CDH11: variants seen among roughly 807,000 people sequenced by gnomAD.
CDH11 encodes cadherin-11.
A neutral mutation model predicts 67.8 loss-of-function variants in CDH11; 11 were observed. The observed-to-expected ratio is 0.16, with a 90% CI of 0.10 to 0.27. CDH11 has a LOEUF of 0.27. Ranked by LOEUF, CDH11 falls within the 10% of genes least tolerant of loss-of-function variation. The pLI, the probability that CDH11 is intolerant of heterozygous loss-of-function variation, is 1.00. For missense variants in CDH11, 847 were observed against 1,031.2 expected, an observed-to-expected ratio of 0.82 and a Z score of 2.45; for synonymous variants, 419 against 400.0, an observed-to-expected ratio of 1.05 and a Z score of -0.57.
intron 2 of CDH11, among the ~76,000 whole-genome samples, chr16:65,019,759 C>T (rs993363225): frequency 3.3e-5 from 5 of 151,902 alleles, no homozygotes; most frequent in African/African-American, 1.2e-4. Flanking sequence ...TGAATAATAT[C>T]CTTTTAATTT....
In CDH11 at chr16:64,992,904, T is replaced by G; in HGVS notation, c.643+11A>C. ...CCATGTGTCACAAATCACAGTGACA[T>G]TCCACAGTACCTGTCTGTGCTTCCA... On this transcript the variant is annotated intron_variant, in intron 5 of 12. Coordinates refer to ENST00000268603, the MANE Select transcript of CDH11 (RefSeq NM_001797.4). 6.2e-7 allele frequency: 1 copy of G among 1,612,472 alleles called. No individual in the cohort carries two copies. The highest frequency in any genetic ancestry group is 2.2e-5 in the East Asian group (1 of 44,850).
chr16:64,987,425 C>T (rs1449969587), intron 7 of CDH11: 1 of 152,138 alleles, frequency 6.6e-6, no homozygotes, highest in African/African-American at 2.4e-5. Context: ...AAGTTGAGGT[C>T]TCTTTGCCCA....
intron 6 of CDH11, among the ~76,000 whole-genome samples, chr16:64,988,785 C>T (rs749151834): frequency 2.6e-5 from 4 of 152,170 alleles, no homozygotes; most frequent in Non-Finnish European, 5.9e-5. Context: ...AAAAGCCTTC[C>T]TTCAACAGCT....
At chr16:65,069,141 T>G (rs1392618664) in intron 1 of CDH11, among the ~76,000 whole-genome samples, 1 of 152,152 alleles carries the variant, frequency 6.6e-6, no homozygotes, top group South Asian at 2.1e-4. Flanking sequence ...CTTGTTGTAA[T>G]AGGAGAACGT....
chr16:65,063,229 CACAA>C (rs1171502332), intron 1 of CDH11, among the ~76,000 whole-genome samples: 2 of 152,174 alleles, frequency 1.3e-5, no homozygotes, highest in Non-Finnish European at 2.9e-5. Flanking sequence ...CACACACACA[CACAA>C]ACACAAAACA....
rs1051613343 is a variant in CDH11, at chr16:65,064,636, T to G, written c.-297-10708A>C. Among the ~76,000 whole-genome samples, 9 of 152,352 alleles carry G rather than the reference T, an allele frequency of 5.9e-5. No homozygotes were observed. The East Asian group carries it at 1.7e-3, about 29-fold the overall frequency. ...CAGTGATTCCTAAACAAACCTTTTT[T>G]TAACAAAGACAAGGCAGTCTCAGGC... is the stretch of plus-strand genomic sequence containing the variant. On this transcript the variant is annotated intron_variant, in intron 1 of 12. Coordinates refer to ENST00000268603, the MANE Select transcript of CDH11 (RefSeq NM_001797.4).
chr16:64,947,342 T>A lies in CDH11; in HGVS notation c.*261A>T. The A allele has an allele frequency of 8.0e-7, 1 of 1,249,260 alleles. No homozygotes were observed. The highest frequency in any genetic ancestry group is 1.0e-6 in the Non-Finnish European group (1 of 993,144). 77.4% of individuals were successfully genotyped at this position (1,249,260 alleles called of 1,614,324 possible). ...TTCAGCGTTAGACTTCTCCTTCACT[T>A]AAATATTTTGTATGCCAAGTGTTTT... On this transcript the variant is annotated 3_prime_UTR_variant, in exon 13 of 13. Coordinates refer to ENST00000268603, the MANE Select transcript of CDH11 (RefSeq NM_001797.4).
At chr16:64,973,141 A>C (rs148804554) in intron 8 of CDH11, 101 bp from the exon 9 acceptor site, 18 of 1,111,762 alleles carry the variant, frequency 1.6e-5, no homozygotes, top group Non-Finnish European at 1.0e-5. Flanking sequence ...TTCTCAATGA[A>C]TTACTTAAGC....
At chr16:65,122,133 G>A, upstream of CDH11, 1 of 514,512 alleles carries the variant, frequency 1.9e-6, no homozygotes, top group Non-Finnish European at 3.4e-6. Flanking sequence ...GGCGGGTGCG[G>A]GGCGGGGGGG....
chr16:65,086,599 A>T (rs2074703171), intron 1 of CDH11, among the ~76,000 whole-genome samples: 2 of 152,228 alleles, frequency 1.3e-5, no homozygotes, highest in African/African-American at 4.8e-5. Flanking sequence ...AAAACAGAAA[A>T]TAGTTAATCT....
At chr16:65,091,275 T>C (rs1260497523) in intron 1 of CDH11, among the ~76,000 whole-genome samples, 2 of 152,250 alleles carry the variant, frequency 1.3e-5, no homozygotes, top group Non-Finnish European at 2.9e-5. Flanking sequence ...ATAGATATTT[T>C]TGTGCATCTA....
At chr16:64,972,487 C>G (rs1246887753) in intron 9 of CDH11, among the ~76,000 whole-genome samples, 2 of 152,092 alleles carry the variant, frequency 1.3e-5, no homozygotes, top group Admixed American at 6.5e-5. Context: ...GGGGCAGGGT[C>G]CAGAAATCAA....
intron 1 of CDH11, among the ~76,000 whole-genome samples, chr16:65,105,355 C>T (rs2075050564): frequency 6.6e-6 from 1 of 152,126 alleles, no homozygotes; most frequent in Admixed American, 6.5e-5. Context: ...AGCTATAATC[C>T]CTGTGAGTTT....
intron 9 of CDH11, among the ~76,000 whole-genome samples, chr16:64,972,488 C>T (rs558073247): frequency 6.6e-6 from 1 of 152,208 alleles, no homozygotes; most frequent in South Asian, 2.1e-4. Flanking sequence ...GGGCAGGGTC[C>T]AGAAATCAAG....
At chr16:65,106,134 C>T (rs192828441) in intron 1 of CDH11, among the ~76,000 whole-genome samples, 21 of 152,144 alleles carry the variant, frequency 1.4e-4, no homozygotes, top group Middle Eastern at 3.4e-3. Flanking sequence ...TCAGTGTGAC[C>T]GAAACTTCTT....
intron 2 of CDH11, among the ~76,000 whole-genome samples, chr16:65,044,094 AGGGAGT>A (rs574565248): frequency 6.6e-6 from 1 of 152,208 alleles, no homozygotes; most frequent in Non-Finnish European, 1.5e-5. Context: ...TTAGCCTAAG[AGGGAGT>A]GCCTGCCAAA....
Position 64,988,219 on chromosome 16 carries a change from T to A in CDH11, c.937A>T (p.Met313Leu), listed in dbSNP as rs868427730. 1 of 1,613,514 alleles carries A rather than the reference T, an allele frequency of 6.2e-7. No homozygotes were observed. The highest frequency in any genetic ancestry group is 8.5e-7 in the Non-Finnish European group (1 of 1,179,680). Residue 313 changes from methionine (M) to leucine (L), a missense_variant, in exon 7 of 13, where the codon ATG (methionine) becomes TTG (leucine). Around this residue, in one of 2 missense-constraint regions of CDH11, gnomAD observed 612 missense variants for 678.7 expected, o/e 0.90. Transcript: ENST00000268603. ...TCCGTTGTGATTTCAAACGATTCCA[T>A]ACCATCTCCATCAACAATATTGTAT... Reference protein sequence around the residue: ...VTYNIVDGDGMESFEITTDYE... With the variant: ...VTYNIVDGDGLESFEITTDYE...
rs562517588 is a variant in CDH11, at chr16:65,093,481, A to T, written c.-298+28399T>A. On this transcript the variant is annotated intron_variant, in intron 1 of 12. Transcript: ENST00000268603. ...GGAATAGTGGGGTGGTTCTAGAACAATCAGCAGCTCTGGTACACTTCCCAA... is the reference window on the plus strand; with the variant it reads ...GGAATAGTGGGGTGGTTCTAGAACATTCAGCAGCTCTGGTACACTTCCCAA... Among the ~76,000 whole-genome samples the T allele has an allele frequency of 2.6e-5, 4 of 152,166 alleles. No individual in the cohort carries two copies. In the East Asian group the frequency reaches 7.8e-4, roughly 30 times the overall value.
intron 3 of CDH11, among the ~76,000 whole-genome samples, chr16:65,001,460 T>A (rs898938072): frequency 6.6e-5 from 10 of 152,284 alleles, no homozygotes; most frequent in African/African-American, 2.4e-4. Context: ...TTTACCCTGC[T>A]GCACACCTGG....
Sources: allele counts gnomAD v4.1 joint callset (sites outside exome capture counted in the v4.1 genomes callset), GRCh38; gene constraint gnomAD v4.1.1; regional missense constraint gnomAD v4.1.1; transcripts MANE v1.5; gene names NCBI Gene and HGNC (gene_info 2026-07-23, HGNC 2026-07-21).